Variants in ABR observed in about 807,000 individuals in gnomAD.
ABR encodes ABR activator of RhoGEF and GTPase.
A neutral mutation model predicts 107.2 loss-of-function variants in ABR; 35 were observed. The ratio of observed to expected loss-of-function variants is 0.33; its 90% CI spans 0.25 to 0.43. The LOEUF is 0.43. Among genes scored for constraint, ABR ranks in the 20% least tolerant of loss-of-function variants. ABR has a pLI of 1.00. For synonymous variants in ABR, 498 were observed against 462.0 expected (o/e 1.08, Z -1.00); for missense variants, 815 against 1,115.2 (o/e 0.73, Z 3.83).
At chr17:1,044,883 A>G (rs549898017) in intron 16 of ABR, among the ~76,000 whole-genome samples, 1 of 152,324 alleles carries the variant, frequency 6.6e-6, no homozygotes, top group African/African-American at 2.4e-5. Flanking sequence ...AATAACACAG[A>G]GCCTTAGCAT....
chr17:1,037,038 C>CCCATCCATCCACCCACCCACCCATCCTT lies in ABR; in HGVS notation c.1791+13011_1791+13012insAAGGATGGGTGGGTGGGTGGATGGATGG, dbSNP rs2150956068. Among the ~76,000 whole-genome samples the CCCATCCATCCACCCACCCACCCATCCTT allele has an allele frequency of 1.5e-5, 2 of 134,284 alleles. No individual in the cohort carries two copies. Among genetic ancestry groups the CCCATCCATCCACCCACCCACCCATCCTT allele is most frequent in the South Asian group, 6.5e-4 (2 of 3,066 alleles). 88.1% of individuals were successfully genotyped at this position (134,284 alleles called of 152,430 possible). ...ATCCTTCCTTCCTTCCATCCATCCA[C>CCCATCCATCCACCCACCCACCCATCCTT]CCATCCATCCATCCATCCACCCATC... On this transcript the variant is annotated intron_variant, in intron 16 of 22. Transcript: ENST00000302538. The surrounding 1 kb of genome is among the most constrained non-coding windows in gnomAD (Gnocchi z 4.6).
At position 1,051,036 on chromosome 17, in the gene ABR, G is replaced by A. The variant is rs1039875369; in HGVS notation, c.1562-402C>T. 2.0e-5 allele frequency among the ~76,000 whole-genome samples: 3 copies of A among 151,998 alleles called. No homozygotes were observed. Among genetic ancestry groups the A allele is most frequent in the Non-Finnish European group, 4.4e-5 (3 of 68,012 alleles). On this transcript the variant is annotated intron_variant, in intron 14 of 22. Coordinates refer to ENST00000302538, the MANE Select transcript of ABR (RefSeq NM_021962.5). The surrounding 1 kb of genome is among the most constrained non-coding windows in gnomAD (Gnocchi z 4.3). The stretch of plus-strand genomic sequence containing the variant: ...CGACACCACAAACTCTTCACTGACC[G>A]CCCTGGAGCCACCTCTCCCCGTAAC...
At chr17:1,090,814 C>T (rs1239686226) in intron 4 of ABR, among the ~76,000 whole-genome samples, 1 of 152,218 alleles carries the variant, frequency 6.6e-6, no homozygotes, top group East Asian at 1.9e-4. Context: ...CACTCACACC[C>T]AGAGAAGAAC....
At chr17:1,093,528 G>C (rs1469899118) in intron 3 of ABR, among the ~76,000 whole-genome samples, 1 of 152,130 alleles carries the variant, frequency 6.6e-6, no homozygotes, top group African/African-American at 2.4e-5. Flanking sequence ...AGGAACAGTG[G>C]GGAAAAGTTA....
intron 3 of ABR, among the ~76,000 whole-genome samples, chr17:1,098,502 T>C (rs1000310608): frequency 2.0e-5 from 3 of 152,234 alleles, no homozygotes; most frequent in Non-Finnish European, 4.4e-5. Context: ...CCGTGTATGA[T>C]GCATGCTGAC....
intron 4 of ABR, among the ~76,000 whole-genome samples, chr17:1,087,041 T>C (rs1355717268): frequency 1.3e-5 from 2 of 152,170 alleles, no homozygotes; most frequent in Admixed American, 1.3e-4. Flanking sequence ...CAGTAGCTGC[T>C]TCAAGAGGGA....
chr17:1,184,081 G>A (rs541856798), upstream of ABR, among the ~76,000 whole-genome samples: 30 of 151,906 alleles, frequency 2.0e-4, no homozygotes, highest in African/African-American at 7.2e-4. Flanking sequence ...CGTGGTGCAT[G>A]TGCCTGTAAT....
In ABR at chr17:1,037,709, A is replaced by G. The variant is rs1000012169; in HGVS notation, c.1791+12341T>C. On this transcript the variant is annotated intron_variant, in intron 16 of 22. Transcript: ENST00000302538. This position sits in a 1 kb window ranked among gnomAD's most constrained non-coding sequence, Gnocchi z 4.6. ...TGGCCGGGTCTCCCAGCACAGCCAT[A>G]AATTGCAGCCTGAGGCAGGAGGGGC... Among the ~76,000 whole-genome samples, 1 of 152,052 alleles carries G rather than the reference A, an allele frequency of 6.6e-6. No homozygotes were observed. The highest frequency in any genetic ancestry group is 1.5e-5 in the Non-Finnish European group (1 of 67,994).
At chr17:1,053,697 G>C (rs538008834) in intron 14 of ABR, among the ~76,000 whole-genome samples, 3 of 152,184 alleles carry the variant, frequency 2.0e-5, no homozygotes, top group Non-Finnish European at 2.9e-5. Flanking sequence ...AGGATAATCT[G>C]GGGGTAAAGA....
Position 1,050,035 on chromosome 17 carries a change from G to C in ABR, c.1791+15C>G. ...TGGAGGCTCCCTCAGCCTCGCCCCG[G>C]CGCCCTGGCCTCACCTGGATCTGTC... On this transcript the variant is annotated intron_variant, in intron 16 of 22. Coordinates refer to ENST00000302538, the MANE Select transcript of ABR (RefSeq NM_021962.5). This position sits in a 1 kb window ranked among gnomAD's most constrained non-coding sequence, Gnocchi z 4.6. 9.9e-6 allele frequency: 16 copies of C among 1,610,596 alleles called. No individual in the cohort carries two copies. Among genetic ancestry groups the C allele is most frequent in the Non-Finnish European group, 1.4e-5 (16 of 1,178,706 alleles).
intron 1 of ABR, among the ~76,000 whole-genome samples, chr17:1,137,958 T>C (rs1032879087): frequency 6.6e-6 from 1 of 151,624 alleles, no homozygotes; most frequent in South Asian, 2.1e-4. Flanking sequence ...TGGAGAGCAG[T>C]GGCACAATTT....
At chr17:1,006,410 G>C (rs1027643534) in intron 22 of ABR, among the ~76,000 whole-genome samples, 1 of 152,188 alleles carries the variant, frequency 6.6e-6, no homozygotes, top group Admixed American at 6.5e-5. Context: ...GGCGGCCACA[G>C]TCCGGCCCCT....
chr17:1,107,314 C>T (rs2038320163), intron 2 of ABR, among the ~76,000 whole-genome samples: 1 of 152,232 alleles, frequency 6.6e-6, no homozygotes, highest in Admixed American at 6.5e-5. Context: ...GTGCACCCTT[C>T]GTGGGCCCCA....
chr17:1,075,782 C>T (rs1161452529), intron 6 of ABR, among the ~76,000 whole-genome samples: 1 of 152,168 alleles, frequency 6.6e-6, no homozygotes, highest in Non-Finnish European at 1.5e-5. Flanking sequence ...TGGCTCACGC[C>T]TGTAATCCCA....
chr17:1,012,061 A>G lies in ABR; in HGVS notation c.1962-76T>C, dbSNP rs2070615940. ...CCGTAGCAACCCCCACCCAGCACAC[A>G]CACACCCTGGAGAGCTTCTAGCATT... On this transcript the variant is annotated intron_variant, in intron 18 of 22. Coordinates refer to ENST00000302538, the MANE Select transcript of ABR (RefSeq NM_021962.5). The G allele has an allele frequency of 2.5e-6, 4 of 1,598,216 alleles. No individual in the cohort carries two copies. The South Asian group carries it at 4.4e-5, about 18-fold the overall frequency.
upstream of ABR, among the ~76,000 whole-genome samples, chr17:1,180,030 CTTTGGTGCG>C (rs2042074455): frequency 5.6e-5 from 3 of 53,982 alleles, no homozygotes; most frequent in African/African-American, 2.5e-4. Flanking sequence ...TGGGGCGGGG[CTTTGGTGCG>C]GGGGCGGGGC....
chr17:1,054,236 G>T (rs148916038), intron 14 of ABR, among the ~76,000 whole-genome samples: 27 of 152,352 alleles, frequency 1.8e-4, no homozygotes, highest in Non-Finnish European at 2.8e-4. Context: ...TTGCACATGT[G>T]AGTACGTCCA....
chr17:1,165,624 C>T (rs575915046), intron 1 of ABR, among the ~76,000 whole-genome samples: 6 of 152,292 alleles, frequency 3.9e-5, no homozygotes, highest in Non-Finnish European at 5.9e-5. Context: ...CTCCGCCTCC[C>T]GGGTTCAAGT....
chr17:1,216,256 A>G (rs2043007274), intron 1 of ABR, among the ~76,000 whole-genome samples: 1 of 152,176 alleles, frequency 6.6e-6, no homozygotes. Context: ...CAACTTGCTC[A>G]GTTCTCACAA....
Sources: allele counts gnomAD v4.1 joint callset (sites outside exome capture counted in the v4.1 genomes callset), GRCh38; gene constraint gnomAD v4.1.1; non-coding constraint Gnocchi (gnomAD v3.1); transcripts MANE v1.5; gene names NCBI Gene and HGNC (gene_info 2026-07-23, HGNC 2026-07-21).